The following EVL variants were observed in gnomAD, a reference collection of about 807,000 sequenced individuals.
The protein encoded by EVL is ena/VASP-like protein.
A neutral mutation model predicts 59.6 loss-of-function variants in EVL; 21 were observed. The ratio of observed to expected loss-of-function variants is 0.35; its 90% CI spans 0.25 to 0.51. EVL has a LOEUF of 0.51. EVL is among the 20% of genes least tolerant of loss of function. The pLI, the probability that EVL is intolerant of heterozygous loss-of-function variation, is 0.97. For missense variants in EVL, 462 were observed against 546.6 expected, an observed-to-expected ratio of 0.85 and a Z score of 1.54; for synonymous variants, 198 against 203.5, an observed-to-expected ratio of 0.97 and a Z score of 0.23.
intron 3 of EVL, among the ~76,000 whole-genome samples, chr14:100,099,119 G>T (rs1886014519): frequency 7.1e-6 from 1 of 141,064 alleles, no homozygotes; most frequent in Admixed American, 7.7e-5. Flanking sequence ...AAGGCAGAAG[G>T]ATCACTTGAG....
intron 1 of EVL, among the ~76,000 whole-genome samples, chr14:100,002,427 A>G (rs889557941): frequency 6.6e-6 from 1 of 152,212 alleles, no homozygotes; most frequent in Non-Finnish European, 1.5e-5. Context: ...GTGGCACACA[A>G]TAATTTAACA....
intron 3 of EVL, among the ~76,000 whole-genome samples, chr14:100,104,631 C>T (rs546260770): frequency 6.6e-6 from 1 of 152,294 alleles, no homozygotes; most frequent in South Asian, 2.1e-4. Flanking sequence ...CTGCAAAGCT[C>T]CCGTTATGAT....
intron 3 of EVL, among the ~76,000 whole-genome samples, chr14:100,099,591 T>C (rs1028965733): frequency 6.6e-6 from 1 of 152,192 alleles, no homozygotes; most frequent in Non-Finnish European, 1.5e-5. Context: ...TGTTGAGTGA[T>C]GAGCACAGGG....
At chr14:100,045,317 G>A (rs1566982152) in intron 1 of EVL, among the ~76,000 whole-genome samples, 1 of 152,154 alleles carries the variant, frequency 6.6e-6, no homozygotes, top group Non-Finnish European at 1.5e-5. Flanking sequence ...GGGCCCTCCT[G>A]TGCTCTCACA....
Position 100,109,197 on chromosome 14 carries a change from T to C in EVL, c.358+11539T>C, listed in dbSNP as rs189429597. 4.6e-5 allele frequency among the ~76,000 whole-genome samples: 7 copies of C among 152,378 alleles called. No homozygotes were observed. The East Asian group carries it at 1.4e-3, about 29-fold the overall frequency. On this transcript the variant is annotated intron_variant, in intron 3 of 13. Coordinates refer to ENST00000392920, the MANE Select transcript of EVL (RefSeq NM_016337.3). The surrounding 1 kb of genome is among the most constrained non-coding windows in gnomAD (Gnocchi z 4.3). ...CACTCTCTCCCCTGAAGTGTTGTAA[T>C]GGGGTTGTAACCCATCCACCTTCTC...
intron 3 of EVL, among the ~76,000 whole-genome samples, chr14:100,116,026 C>T (rs1218532131): frequency 3.3e-5 from 5 of 152,244 alleles, no homozygotes; most frequent in Admixed American, 3.3e-4. Context: ...CCAGCTCTGC[C>T]ACCAATTCTT....
intron 1 of EVL, among the ~76,000 whole-genome samples, chr14:100,054,745 C>T (rs914887410): frequency 5.9e-5 from 9 of 152,168 alleles, no homozygotes; most frequent in African/African-American, 1.7e-4. Context: ...GTGCTTCCCC[C>T]GTGGCCCTGC....
intron 1 of EVL, among the ~76,000 whole-genome samples, chr14:99,996,428 T>TTA (rs1455798212): frequency 4.6e-5 from 7 of 152,188 alleles, no homozygotes; most frequent in Non-Finnish European, 4.4e-5. Context: ...TTTAATCCCT[T>TTA]TATATAGTTC....
At position 99,972,175 on chromosome 14, in the gene EVL, A is replaced by G. The variant is rs926942424; in HGVS notation, c.5+118A>G. 2.2e-5 allele frequency: 5 copies of G among 223,726 alleles called. No individual in the cohort carries two copies. Among genetic ancestry groups the G allele is most frequent in the African/African-American group, 4.7e-5 (2 of 42,952 alleles). The allele number at this position is 223,726 out of a possible 1,614,324, so 13.9% of individuals were successfully genotyped here. On this transcript the variant is annotated intron_variant, in intron 1 of 13. Transcript: ENST00000402714. This position sits in a 1 kb window ranked among gnomAD's most constrained non-coding sequence, Gnocchi z 4.4. ...GGGCTCCACGGGCGCGGGGGCTTCC[A>G]GAGAACCGCGGGGGCTCTGCAGAGA...
intron 1 of EVL, among the ~76,000 whole-genome samples, chr14:100,077,126 G>A (rs923392396): frequency 6.6e-6 from 1 of 152,180 alleles, no homozygotes; most frequent in African/African-American, 2.4e-5. Context: ...TTTGAGGAAG[G>A]TCTCTCTGGT....
chr14:100,129,618 A>G lies in EVL; in HGVS notation c.773A>G (p.Asn258Ser). The change falls in exon 7 of 14, where the codon AAC (asparagine) becomes AGC (serine). Residue 258 changes from asparagine (N) to serine (S), a missense_variant. Coordinates refer to ENST00000392920, the MANE Select transcript of EVL (RefSeq NM_016337.3). ...AGTGGGACCTCAAAGTCCGATGCCA[A>G]CCGGGCAAGCAGCGGGGGTGGCGGA... ...SPSGTSKSDA[N>S]RASSGGGGGG... is the part of the protein sequence containing the mutation. 2 of 1,613,412 alleles carry G rather than the reference A, an allele frequency of 1.2e-6. No homozygotes were observed. Among genetic ancestry groups the G allele is most frequent in the African/African-American group, 1.3e-5 (1 of 75,066 alleles).
chr14:100,057,962 T>C (rs148344851), intron 1 of EVL, among the ~76,000 whole-genome samples: 198 of 152,356 alleles, frequency 1.3e-3, no homozygotes, highest in African/African-American at 4.6e-3. Flanking sequence ...ACACCCTGCC[T>C]TCTTAACACA....
At chr14:99,986,720 C>T (rs920182159) in intron 1 of EVL, among the ~76,000 whole-genome samples, 11 of 152,282 alleles carry the variant, frequency 7.2e-5, no homozygotes, top group Middle Eastern at 3.4e-3. Context: ...AGCATAAGTA[C>T]GTGCAATTCA....
In EVL at chr14:100,008,546, A is replaced by G. The variant is rs145686971; in HGVS notation, c.5+36489A>G. On this transcript the variant is annotated intron_variant, in intron 1 of 13. Coordinates refer to the EVL transcript ENST00000402714. ...AGTGCCTGTTCTAGTGTCTGAAGGC[A>G]ACTACTCCTTTACCCTTCTTTTTCT... is the stretch of plus-strand genomic sequence containing the variant. Among the ~76,000 whole-genome samples, 7 of 152,312 alleles carry G rather than the reference A, an allele frequency of 4.6e-5. No individual in the cohort carries two copies. In the East Asian group the frequency reaches 1.2e-3, roughly 25 times the overall value.
At chr14:99,985,156 C>G (rs2060832073) in intron 1 of EVL, among the ~76,000 whole-genome samples, 1 of 151,668 alleles carries the variant, frequency 6.6e-6, no homozygotes, top group African/African-American at 2.4e-5. Context: ...TGAGTACCTA[C>G]TATATGCAAG....
rs1414266420 is a variant in EVL, at chr14:100,108,502, C to T, written c.358+10844C>T. 6.6e-6 allele frequency among the ~76,000 whole-genome samples: 1 copy of T among 152,176 alleles called. No individual in the cohort carries two copies. Among genetic ancestry groups the T allele is most frequent in the African/African-American group, 2.4e-5 (1 of 41,436 alleles). ...CCTGCTCCCAGCTGCCCTCTGGCGG[C>T]CACTTTCTGAAAGCCGGATATGTCT... On this transcript the variant is annotated intron_variant, in intron 3 of 13. Transcript: ENST00000392920. This position sits in a 1 kb window ranked among gnomAD's most constrained non-coding sequence, Gnocchi z 4.1.
At chr14:100,008,562 T>G (rs1240380021) in intron 1 of EVL, among the ~76,000 whole-genome samples, 1 of 152,232 alleles carries the variant, frequency 6.6e-6, no homozygotes, top group East Asian at 1.9e-4. Flanking sequence ...TCCTTTACCC[T>G]TCTTTTTCTT....
intron 3 of EVL, chr14:100,107,263 C>T (rs1000638863): frequency 3.8e-5 from 15 of 398,560 alleles, no homozygotes; most frequent in Non-Finnish European, 5.7e-5. Context: ...CCTGGTGGCA[C>T]TTGAGGCAAG....
intron 1 of EVL, among the ~76,000 whole-genome samples, chr14:100,026,524 C>T (rs1355347080): frequency 6.6e-6 from 1 of 152,118 alleles, no homozygotes; most frequent in Non-Finnish European, 1.5e-5. Context: ...GTCGTGGTGC[C>T]TGGCACGTGC....
Sources: gnomAD v4.1 joint callset for allele counts (sites outside exome capture counted in the v4.1 genomes callset) on GRCh38, gnomAD v4.1.1 for gene constraint, Gnocchi (gnomAD v3.1) non-coding constraint, MANE v1.5 for transcripts, NCBI Gene and HGNC (gene_info 2026-07-23, HGNC 2026-07-21) for gene names.